The following SLC25A30 variants were observed in gnomAD, a reference collection of about 807,000 sequenced individuals.
The protein encoded by SLC25A30 is kidney mitochondrial carrier protein 1.
A neutral mutation model predicts 42.7 loss-of-function variants in SLC25A30; 29 were observed. That is an observed-to-expected ratio of 0.68 (90% CI 0.51 to 0.93). The LOEUF is 0.93. Among genes scored for constraint, SLC25A30 ranks in the 40% least tolerant of loss-of-function variants. SLC25A30 has a pLI of 0.00. For synonymous variants in SLC25A30, 124 were observed against 131.0 expected (o/e 0.95, Z 0.37); for missense variants, 300 against 359.7 (o/e 0.83, Z 1.34).
intron 9 of SLC25A30, 46 bp downstream of exon 9, chr13:45,397,212 C>T: frequency 8.1e-7 from 1 of 1,239,184 alleles, no homozygotes; most frequent in Non-Finnish European, 1.2e-6. Context: ...AAATAGTATT[C>T]TTTAGCTGTA....
At chr13:45,398,858 A>G (rs1342997435) in intron 8 of SLC25A30, 82 bp downstream of exon 8, 5 of 1,475,778 alleles carry the variant, frequency 3.4e-6, no homozygotes, top group Non-Finnish European at 4.6e-6. Flanking sequence ...TCTTAGTTTT[A>G]GTAGCTTTCA....
chr13:45,402,850 C>G (rs572470328), intron 5 of SLC25A30: 81 of 984,704 alleles, frequency 8.2e-5, no homozygotes, highest in Non-Finnish European at 9.6e-5. Flanking sequence ...GGTATGCAGG[C>G]GAGCTAGCCA....
chr13:45,424,890 ATTT>A, the SLC25A30 span, among the ~76,000 whole-genome samples: 1 of 38,412 alleles, frequency 2.6e-5, no homozygotes, highest in Non-Finnish European at 5.2e-5. Flanking sequence ...ATAAATATAT[ATTT>A]AAATATATAT....
rs1475436654 is a variant in SLC25A30 at position 45,401,072 on chromosome 13, C to T, written c.614+11G>A. 3 of 1,581,572 alleles carry T rather than the reference C, an allele frequency of 1.9e-6. No individual in the cohort carries two copies. Among genetic ancestry groups the T allele is most frequent in the Admixed American group, 1.8e-5 (1 of 54,108 alleles). ...ATTTCTATAATTTTTTAAAAAAAGC[C>T]ATGAACATACAGGAAGTGGGTATAC... On this transcript the variant is annotated intron_variant, in intron 7 of 9. Transcript: ENST00000519676.
intron 2 of SLC25A30, among the ~76,000 whole-genome samples, chr13:45,409,758 G>T (rs890138293): frequency 1.3e-5 from 2 of 152,142 alleles, no homozygotes; most frequent in Admixed American, 6.5e-5. Context: ...GCAGTGAGCC[G>T]AGATCACGTC....
upstream of SLC25A30, among the ~76,000 whole-genome samples, chr13:45,422,877 C>A (rs748864310): frequency 2.6e-5 from 4 of 152,046 alleles, no homozygotes; most frequent in Non-Finnish European, 4.4e-5. Flanking sequence ...CTTGCTAAGC[C>A]CTTCTCATCC....
At chr13:45,425,247 AATAT>A in the SLC25A30 span, among the ~76,000 whole-genome samples, 1 of 104,624 alleles carries the variant, frequency 9.6e-6, no homozygotes, top group Non-Finnish European at 1.7e-5. Flanking sequence ...TACATATATA[AATAT>A]ATATACGTAT....
chr13:45,407,397 TTTGTGTGTGTGC>T (rs1032008493), intron 3 of SLC25A30, among the ~76,000 whole-genome samples: 1 of 151,620 alleles, frequency 6.6e-6, no homozygotes, highest in African/African-American at 2.4e-5. Flanking sequence ...TGTGTGTGTG[TTTGTGTGTGTGC>T]AGCTAGGTGC....
the SLC25A30 span, among the ~76,000 whole-genome samples, chr13:45,429,997 T>C: frequency 6.6e-6 from 1 of 152,158 alleles, no homozygotes; most frequent in East Asian, 1.9e-4. Context: ...TGATACTTTA[T>C]ACTTCTAATG....
chr13:45,425,035 A>AATATATAT, the SLC25A30 span, among the ~76,000 whole-genome samples: 1 of 1,216 alleles, frequency 8.2e-4, no homozygotes, highest in African/African-American at 2.7e-3. Context: ...TAAATATATA[A>AATATATAT]GTATATATAA....
chr13:45,402,751 A>G (rs1057384413), intron 5 of SLC25A30: 20 of 984,210 alleles, frequency 2.0e-5, no homozygotes, highest in Non-Finnish European at 2.1e-5. Flanking sequence ...TGAGTTATCC[A>G]GTGTACCTGG....
Position 45,404,366 on chromosome 13 carries a change from G to T in SLC25A30, c.354C>A (p.Val118=). ...INVICGILSG[V]ISSTIANPTD... The stretch of plus-strand genomic sequence containing the variant: ...TTGGATTAGCAATGGTTGAAGATAT[G>T]ACTCCAGACAGAATTCCACATATCA... Residue 118 remains valine (V), a synonymous_variant, in exon 5 of 10, where the codon GTC becomes GTA. Coordinates refer to ENST00000519676, the MANE Select transcript of SLC25A30 (RefSeq NM_001010875.4). 1 of 1,613,608 alleles carries T rather than the reference G, an allele frequency of 6.2e-7. No individual in the cohort carries two copies. The highest frequency in any genetic ancestry group is 1.1e-5 in the South Asian group (1 of 91,062).
chr13:45,414,097 G>A (rs913909340), intron 1 of SLC25A30, among the ~76,000 whole-genome samples: 2 of 152,078 alleles, frequency 1.3e-5, no homozygotes, highest in Non-Finnish European at 1.5e-5. Context: ...TCCACTCCTG[G>A]ATCAGCATCC....
At position 45,401,074 on chromosome 13, in the gene SLC25A30, T is replaced by C; in HGVS notation, c.614+9A>G. ...TTCTATAATTTTTTAAAAAAAGCCA[T>C]GAACATACAGGAAGTGGGTATACAC... On this transcript the variant is annotated intron_variant, in intron 7 of 9. Transcript: ENST00000519676. The C allele has an allele frequency of 6.3e-7, 1 of 1,584,846 alleles. No individual in the cohort carries two copies.
In SLC25A30 at chr13:45,405,895, C is replaced by T. The variant is rs1416926874; in HGVS notation, c.295G>A (p.Glu99Lys). Residue 99 changes from glutamate (E) to lysine (K), a missense_variant, in exon 4 of 10, where the codon GAA (glutamate) becomes AAA (lysine). Transcript: ENST00000519676. ...TYQSLKRLFI[E>K]RPEDETLPIN... ...ATTCCCCACTCACCTTCTGGGCGTT[C>T]AATGAATAGTCGCTTCAAGCTCTGG... The T allele has an allele frequency of 6.2e-7, 1 of 1,614,014 alleles. No homozygotes were observed. The highest frequency in any genetic ancestry group is 8.5e-7 in the Non-Finnish European group (1 of 1,180,002).
chr13:45,410,886 A>G (rs1882955559), intron 2 of SLC25A30, among the ~76,000 whole-genome samples: 1 of 152,162 alleles, frequency 6.6e-6, no homozygotes, highest in African/African-American at 2.4e-5. Context: ...CGAACCCTAA[A>G]CTGCTAATAG....
At chr13:45,405,626 C>T (rs1052427349) in intron 4 of SLC25A30, among the ~76,000 whole-genome samples, 6 of 152,096 alleles carry the variant, frequency 3.9e-5, no homozygotes, top group Admixed American at 1.3e-4. Context: ...ACAACACATC[C>T]CCTGGTCTAG....
At chr13:45,424,601 A>C in the SLC25A30 span, among the ~76,000 whole-genome samples, 1 of 63,460 alleles carries the variant, frequency 1.6e-5, no homozygotes, top group African/African-American at 5.8e-5. Context: ...ATATATAAAT[A>C]TATATAAATA....
chr13:45,406,004 A>G, intron 3 of SLC25A30, 27 bp from the exon 4 acceptor site: 1 of 1,608,796 alleles, frequency 6.2e-7, no homozygotes, highest in African/African-American at 1.3e-5. Flanking sequence ...CAAAGGGACA[A>G]AAGCAATCTA....
Sources: gnomAD v4.1 joint callset for allele counts (sites outside exome capture counted in the v4.1 genomes callset) on GRCh38, gnomAD v4.1.1 for gene constraint, MANE v1.5 for transcripts, NCBI Gene and HGNC (gene_info 2026-07-23, HGNC 2026-07-21) for gene names.